Variants in CPXM2 observed in about 807,000 individuals in gnomAD.
The protein encoded by CPXM2 is inactive carboxypeptidase-like protein X2.
CPXM2 carries 66 observed loss-of-function variants against 86.1 expected under a neutral mutation model. The ratio of observed to expected loss-of-function variants is 0.77; its 90% confidence interval spans 0.63 to 0.94. The LOEUF (loss-of-function observed/expected upper bound fraction) is 0.94, where lower values mean the gene tolerates loss of function less well. Ranked by LOEUF, CPXM2 falls within the 40% of genes least tolerant of loss-of-function variation. CPXM2 has a pLI of 0.00. For missense variants in CPXM2, 948 were observed against 1,026.3 expected (o/e 0.92, Z 1.04); for synonymous variants, 388 against 400.2 (o/e 0.97, Z 0.36).
At chr10:123,819,708 G>A (rs1847885998) in intron 4 of CPXM2, among the ~76,000 whole-genome samples, 1 of 152,178 alleles carries the variant, frequency 6.6e-6, no homozygotes, top group Non-Finnish European at 1.5e-5. Flanking sequence ...TATGTTAGCT[G>A]TAATTATGAC....
In CPXM2 at chr10:123,767,108, A is replaced by G. The variant is rs1564758094; in HGVS notation, c.1344T>C (p.Asp448=). ...GGWSLGRWTH[D]GIDINNNFPD... is the part of the protein sequence containing the mutation. ...GAAAGTTGTTGTTGATGTCAATTCC[A>G]TCGTGGGTCCAGCGTCCCAGGGACC... Residue 448 remains aspartate, a synonymous_variant, in exon 10 of 14, where the codon GAT becomes GAC. Transcript: ENST00000241305. The G allele has an allele frequency of 6.2e-7, 1 of 1,614,176 alleles. No homozygotes were observed. Among genetic ancestry groups the G allele is most frequent in the East Asian group, 2.2e-5 (1 of 44,866 alleles).
intron 2 of CPXM2, among the ~76,000 whole-genome samples, chr10:123,863,327 G>C (rs1448372093): frequency 6.6e-6 from 1 of 152,180 alleles, no homozygotes; most frequent in East Asian, 1.9e-4. Context: ...CACAGTGAGT[G>C]GTGGAGCATT....
At chr10:123,908,192 T>C (rs1417872813) in intron 2 of CPXM2, among the ~76,000 whole-genome samples, 1 of 150,102 alleles carries the variant, frequency 6.7e-6, no homozygotes, top group Admixed American at 6.6e-5. Flanking sequence ...CTGTTAGGGG[T>C]AGCACCAGTA....
rs199908171 is a variant in CPXM2, at chr10:123,878,957, T to C, written c.403+1254A>G. On this transcript the variant is annotated intron_variant, in intron 2 of 13. Transcript: ENST00000241305. ...TAGAGACGACCCCAAAGCACCACACTGTCAGGGTCAAGCAGCAGAAACACA... is the reference window on the plus strand; with the variant it reads ...TAGAGACGACCCCAAAGCACCACACCGTCAGGGTCAAGCAGCAGAAACACA... 1.9e-4 allele frequency among the ~76,000 whole-genome samples: 29 copies of C among 152,198 alleles called. No homozygotes were observed. In the East Asian group the frequency reaches 5.6e-3, roughly 29 times the overall value.
intron 2 of CPXM2, among the ~76,000 whole-genome samples, chr10:123,912,791 C>G (rs1179333563): frequency 6.6e-6 from 1 of 152,206 alleles, no homozygotes; most frequent in East Asian, 1.9e-4. Context: ...TATCAAACAA[C>G]CTCAGTCCAG....
chr10:123,845,302 C>G (rs556250248), intron 3 of CPXM2, among the ~76,000 whole-genome samples: 1 of 150,872 alleles, frequency 6.6e-6, no homozygotes, highest in Non-Finnish European at 1.5e-5. Context: ...GAACACCATG[C>G]AGTCAGGTTT....
chr10:123,784,028 G>A (rs1485047207), intron 6 of CPXM2, among the ~76,000 whole-genome samples: 1 of 152,180 alleles, frequency 6.6e-6, no homozygotes, highest in African/African-American at 2.4e-5. Flanking sequence ...TCTGAATTGT[G>A]CTCTCCCACC....
At position 123,788,034 on chromosome 10, in the gene CPXM2, C is replaced by G. The variant is rs935218231; in HGVS notation, c.890-7779G>C. Among the ~76,000 whole-genome samples the G allele has an allele frequency of 5.9e-5, 9 of 152,024 alleles. No individual in the cohort carries two copies. The East Asian group carries it at 1.7e-3, about 29-fold the overall frequency. ...GTGGCTCATGCCTGTAATCCTAGCA[C>G]TCTGGGAGGCTGAGGCGGGTGGATC... On this transcript the variant is annotated intron_variant, in intron 6 of 13. Coordinates refer to ENST00000241305, the MANE Select transcript of CPXM2 (RefSeq NM_198148.3).
At position 123,934,867 on chromosome 10, in the gene CPXM2, G is replaced by A. The variant is rs117956457; in HGVS notation, n.174+4610C>T. On this transcript the variant is annotated intron_variant and non_coding_transcript_variant, in intron 2 of 19. Transcript: ENST00000368854. ...CCACTAGCTGTGTTGGATGAAGTTC[G>A]TTTCAAGTTCCCCTTGATACTGATG... Among the ~76,000 whole-genome samples, 681 of 152,214 alleles carry A rather than the reference G, an allele frequency of 4.5e-3. 10 individuals carry two copies. Among genetic ancestry groups the A allele is most frequent in the Admixed American group, 0.035 (529 of 15,290 alleles).
chr10:123,810,216 C>T (rs147671866), intron 4 of CPXM2, among the ~76,000 whole-genome samples: 20 of 151,816 alleles, frequency 1.3e-4, no homozygotes, highest in Middle Eastern at 3.5e-3. Flanking sequence ...ATTGTATGTA[C>T]CTAATACAGG....
Position 123,774,505 on chromosome 10 carries a change from AAC to A in CPXM2, c.979-3468_979-3467del, listed in dbSNP as rs1459572272. ...GCTGTGTGCTTCATATGCCTTTCAT[AAC>A]ACAACATTCTGTAATGACTGGGAAG... On this transcript the variant is annotated intron_variant, in intron 7 of 13. Coordinates refer to ENST00000241305, the MANE Select transcript of CPXM2 (RefSeq NM_198148.3). Among the ~76,000 whole-genome samples the A allele has an allele frequency of 2.6e-5, 4 of 152,328 alleles. No homozygotes were observed. The East Asian group carries it at 5.8e-4, about 22-fold the overall frequency.
intron 2 of CPXM2, among the ~76,000 whole-genome samples, chr10:123,903,651 G>A (rs1945405080): frequency 6.6e-6 from 1 of 152,216 alleles, no homozygotes; most frequent in South Asian, 2.1e-4. Flanking sequence ...TGAGACCAGG[G>A]CATGGTTCTT....
At chr10:123,864,896 G>A (rs1030822894) in intron 2 of CPXM2, among the ~76,000 whole-genome samples, 1 of 152,156 alleles carries the variant, frequency 6.6e-6, no homozygotes, top group African/African-American at 2.4e-5. Context: ...ACATCCTCTT[G>A]CCAAGATACA....
chr10:123,818,972 C>T (rs528360708), intron 4 of CPXM2, among the ~76,000 whole-genome samples: 12 of 152,250 alleles, frequency 7.9e-5, no homozygotes, highest in African/African-American at 2.6e-4. Flanking sequence ...CCTGTTCCCA[C>T]GACATTACGT....
chr10:123,862,349 A>G (rs1848867892), intron 3 of CPXM2, among the ~76,000 whole-genome samples: 1 of 152,230 alleles, frequency 6.6e-6, no homozygotes, highest in Non-Finnish European at 1.5e-5. Flanking sequence ...CATATGGAAG[A>G]GAAGTGTTCA....
intron 2 of CPXM2, among the ~76,000 whole-genome samples, chr10:123,866,070 T>C (rs1848972896): frequency 6.6e-6 from 1 of 152,114 alleles, no homozygotes; most frequent in African/African-American, 2.4e-5. Flanking sequence ...GTCCAGACCT[T>C]CCTTCCTTGT....
chr10:123,827,109 T>A (rs1848064445), intron 4 of CPXM2, among the ~76,000 whole-genome samples: 2 of 152,340 alleles, frequency 1.3e-5, no homozygotes, highest in African/African-American at 4.8e-5. Context: ...AAACTCTCCC[T>A]ATTTTAGGCC....
intron 6 of CPXM2, among the ~76,000 whole-genome samples, chr10:123,787,823 C>T (rs1184415162): frequency 1.3e-5 from 2 of 152,140 alleles, no homozygotes; most frequent in Non-Finnish European, 2.9e-5. Context: ...CCGGCAGACC[C>T]ATAGGGACAG....
At chr10:123,795,436 G>A (rs964953395) in intron 6 of CPXM2, among the ~76,000 whole-genome samples, 6 of 152,166 alleles carry the variant, frequency 3.9e-5, no homozygotes, top group East Asian at 1.9e-4. Flanking sequence ...ACAAAGAGAC[G>A]CAGAAGCAAA....
Sources: gnomAD v4.1 joint callset for allele counts (sites outside exome capture counted in the v4.1 genomes callset) on GRCh38, gnomAD v4.1.1 for gene constraint, MANE v1.5 for transcripts, NCBI Gene and HGNC (gene_info 2026-07-23, HGNC 2026-07-21) for gene names.